Variants in DOCK3 observed in about 807,000 individuals in gnomAD.
The protein encoded by DOCK3 is dedicator of cytokinesis 3, also known as dedicator of cytokinesis protein 3.
In DOCK3, 60 loss-of-function variants were observed where a neutral mutation model predicts 265.6. That is an observed-to-expected ratio of 0.23 (90% CI 0.18 to 0.28). DOCK3 has a LOEUF of 0.28. Among genes scored for constraint, DOCK3 ranks in the 10% least tolerant of loss-of-function variants. DOCK3 has a pLI of 1.00. For missense variants in DOCK3, 1,981 were observed against 2,594.3 expected (o/e 0.76, Z 5.14); for synonymous variants, 881 against 938.0 (o/e 0.94, Z 1.11).
intron 10 of DOCK3, among the ~76,000 whole-genome samples, chr3:51,151,370 A>T (rs977087921): frequency 6.6e-6 from 1 of 152,174 alleles, no homozygotes; most frequent in African/African-American, 2.4e-5. Context: ...AGGAAAACTA[A>T]CAAACAGAAA....
intron 5 of DOCK3, among the ~76,000 whole-genome samples, chr3:51,026,604 A>G (rs562972744): frequency 1.3e-5 from 2 of 152,054 alleles, no homozygotes; most frequent in Non-Finnish European, 2.9e-5. Context: ...CTGTGAATCC[A>G]TCTGGTCTAA....
intron 37 of DOCK3, 103 bp downstream of exon 37, chr3:51,339,131 A>G: frequency 1.0e-6 from 1 of 992,396 alleles, no homozygotes; most frequent in Non-Finnish European, 1.4e-6. Context: ...GCCAGATCTC[A>G]GCAGAATGTT....
intron 1 of DOCK3, among the ~76,000 whole-genome samples, chr3:50,720,681 A>G (rs974672358): frequency 1.3e-5 from 2 of 152,070 alleles, no homozygotes; most frequent in African/African-American, 4.8e-5. Context: ...GATTGGATAT[A>G]TACCCAGTAA....
chr3:50,723,489 C>T (rs1265115904), intron 1 of DOCK3, among the ~76,000 whole-genome samples: 2 of 151,906 alleles, frequency 1.3e-5, no homozygotes, highest in African/African-American at 2.4e-5. Flanking sequence ...TGGCCAACAT[C>T]GCGAAACCTC....
At chr3:50,734,132 CTCTG>C (rs1451481762) in intron 1 of DOCK3, among the ~76,000 whole-genome samples, 1 of 152,196 alleles carries the variant, frequency 6.6e-6, no homozygotes, top group Non-Finnish European at 1.5e-5. Flanking sequence ...TCCACTGTCT[CTCTG>C]TCTACCTATC....
intron 4 of DOCK3, among the ~76,000 whole-genome samples, chr3:50,902,384 A>C (rs955891678): frequency 6.6e-6 from 1 of 152,164 alleles, no homozygotes; most frequent in African/African-American, 2.4e-5. Flanking sequence ...GTCCAGTTTC[A>C]ATTTTCTGCA....
chr3:50,862,507 G>A (rs2046964916), intron 3 of DOCK3, among the ~76,000 whole-genome samples: 1 of 149,798 alleles, frequency 6.7e-6, no homozygotes, highest in Non-Finnish European at 1.5e-5. Flanking sequence ...CTGTTGGAGT[G>A]TGCTTAAGTT....
At chr3:51,014,407 T>C (rs767937734) in intron 5 of DOCK3, among the ~76,000 whole-genome samples, 4 of 152,144 alleles carry the variant, frequency 2.6e-5, no homozygotes, top group African/African-American at 7.2e-5. Context: ...TCGACACTTA[T>C]ACCCATCATT....
intron 2 of DOCK3, among the ~76,000 whole-genome samples, chr3:50,813,354 A>T (rs1174357011): frequency 6.6e-6 from 1 of 152,146 alleles, no homozygotes; most frequent in East Asian, 1.9e-4. Flanking sequence ...TGGGCAACAT[A>T]GTGAGACCCT....
intron 5 of DOCK3, among the ~76,000 whole-genome samples, chr3:50,980,581 G>A (rs1027613094): frequency 6.6e-5 from 10 of 152,090 alleles, no homozygotes; most frequent in African/African-American, 2.4e-4. Flanking sequence ...ATAAAGCCAT[G>A]CATTCCTGTG....
At chr3:51,131,026 A>G (rs2084507220) in intron 9 of DOCK3, among the ~76,000 whole-genome samples, 2 of 152,076 alleles carry the variant, frequency 1.3e-5, no homozygotes, top group South Asian at 4.2e-4. Flanking sequence ...TTTTTAGTTT[A>G]CTATTTGTCT....
intron 3 of DOCK3, among the ~76,000 whole-genome samples, chr3:50,848,060 T>A (rs1443972614): frequency 2.1e-3 from 2 of 950 alleles, no homozygotes; most frequent in Non-Finnish European, 0.023. Flanking sequence ...CTCTTCTTTG[T>A]CCTTTTTTTA....
chr3:50,780,444 C>T (rs1233617308), intron 2 of DOCK3, among the ~76,000 whole-genome samples: 1 of 152,072 alleles, frequency 6.6e-6, no homozygotes, highest in Non-Finnish European at 1.5e-5. Flanking sequence ...CTGGTGAGGG[C>T]CTTAGGAAGC....
intron 1 of DOCK3, among the ~76,000 whole-genome samples, chr3:50,684,801 TAAAA>T (rs1325398128): frequency 6.6e-6 from 1 of 152,262 alleles, no homozygotes; most frequent in Non-Finnish European, 1.5e-5. Flanking sequence ...GAATTTTTTC[TAAAA>T]TATGACTTAT....
chr3:51,352,322 A>C (rs781635683), intron 40 of DOCK3, among the ~76,000 whole-genome samples: 1 of 152,196 alleles, frequency 6.6e-6, no homozygotes, highest in African/African-American at 2.4e-5. Context: ...TTACAGAATC[A>C]GGCCCTGGTA....
intron 27 of DOCK3, among the ~76,000 whole-genome samples, chr3:51,307,191 C>G (rs2082732235): frequency 6.6e-6 from 1 of 152,116 alleles, no homozygotes; most frequent in South Asian, 2.1e-4. Flanking sequence ...GTGATCAGAG[C>G]TCACTACAAC....
intron 1 of DOCK3, among the ~76,000 whole-genome samples, chr3:50,718,899 T>C (rs1434444577): frequency 6.7e-6 from 1 of 149,232 alleles, no homozygotes; most frequent in East Asian, 2.1e-4. Flanking sequence ...TTCTCCTGCC[T>C]CAGCCTCCTG....
intron 5 of DOCK3, among the ~76,000 whole-genome samples, chr3:50,973,528 C>T (rs1465129604): frequency 6.9e-6 from 1 of 143,928 alleles, no homozygotes; most frequent in African/African-American, 2.6e-5. Context: ...TTTCTTAATC[C>T]AGTCTATCAT....
rs146162589 is a variant in DOCK3 at position 50,990,910 on chromosome 3, C to T, written c.315+56833C>T. ...GTCCACTAACTCAAATGTTAATCTCCTTTGGCAACACCCTCACAGACACAC... is the reference window on the plus strand; with the variant it reads ...GTCCACTAACTCAAATGTTAATCTCTTTTGGCAACACCCTCACAGACACAC... On this transcript the variant is annotated intron_variant, in intron 5 of 52. Transcript: ENST00000266037. Among the ~76,000 whole-genome samples, 21 of 152,290 alleles carry T rather than the reference C, an allele frequency of 1.4e-4. 1 individual carries two copies. In the East Asian group the frequency reaches 2.5e-3, roughly 18 times the overall value.
Sources: allele counts gnomAD v4.1 joint callset (sites outside exome capture counted in the v4.1 genomes callset), GRCh38; gene constraint gnomAD v4.1.1; transcripts MANE v1.5; gene names NCBI Gene and HGNC (gene_info 2026-07-23, HGNC 2026-07-21).